NCK1: variants seen among roughly 807,000 people sequenced by gnomAD.
The protein encoded by NCK1 is SH2/SH3 adapter protein NCK1.
NCK1 carries 19 observed loss-of-function variants against 36.6 expected under a neutral mutation model. The observed-to-expected ratio is 0.52, with a 90% CI of 0.36 to 0.76. The LOEUF (loss-of-function observed/expected upper bound fraction) is 0.76. NCK1 is among the 30% of genes least tolerant of loss of function. The pLI, the probability that NCK1 is intolerant of heterozygous loss-of-function variation, is 0.00. For missense variants in NCK1, 358 were observed against 445.6 expected (o/e 0.80, Z 1.77); for synonymous variants, 165 against 156.0 (o/e 1.06, Z -0.43).
intron 1 of NCK1, among the ~76,000 whole-genome samples, chr3:136,863,991 C>T (rs1381256986): frequency 6.6e-6 from 1 of 151,816 alleles, no homozygotes; most frequent in Non-Finnish European, 1.5e-5. Flanking sequence ...GTCCCAGCTA[C>T]TCGGGAGGCT....
chr3:136,938,584 A>G (rs1940594776), intron 2 of NCK1, among the ~76,000 whole-genome samples: 1 of 152,182 alleles, frequency 6.6e-6, no homozygotes, highest in Non-Finnish European at 1.5e-5. Context: ...CCCCAAGCAT[A>G]GTGATGAAGT....
chr3:136,913,234 A>G (rs909882870), intron 1 of NCK1, among the ~76,000 whole-genome samples: 2 of 151,958 alleles, frequency 1.3e-5, no homozygotes, highest in African/African-American at 4.8e-5. Context: ...AACTCTGGAA[A>G]TCAGATTGTC....
At chr3:136,929,433 T>C (rs1940336705) in intron 2 of NCK1, among the ~76,000 whole-genome samples, 1 of 152,220 alleles carries the variant, frequency 6.6e-6, no homozygotes, top group African/African-American at 2.4e-5. Context: ...ATTAAGTAGA[T>C]ATAATGTGAT....
At chr3:136,937,159 A>T (rs1325037628) in intron 2 of NCK1, among the ~76,000 whole-genome samples, 1 of 152,170 alleles carries the variant, frequency 6.6e-6, no homozygotes, top group East Asian at 1.9e-4. Flanking sequence ...GTTGGAGTCC[A>T]GTTTCATTCT....
chr3:136,930,031 G>A (rs1940351955), intron 2 of NCK1, among the ~76,000 whole-genome samples: 2 of 152,046 alleles, frequency 1.3e-5, no homozygotes, highest in Admixed American at 6.6e-5. Context: ...TTATTCCAGG[G>A]TGCTTGGAAA....
intron 1 of NCK1, among the ~76,000 whole-genome samples, chr3:136,890,249 C>T (rs963315691): frequency 2.6e-5 from 4 of 152,182 alleles, no homozygotes; most frequent in African/African-American, 4.8e-5. Flanking sequence ...GGGTGCTAAG[C>T]CCCCCACTGT....
chr3:136,877,422 T>C (rs1394671982), intron 1 of NCK1, among the ~76,000 whole-genome samples: 2 of 152,176 alleles, frequency 1.3e-5, no homozygotes, highest in Non-Finnish European at 2.9e-5. Flanking sequence ...TTAAACTATT[T>C]AGAACAGAAC....
At chr3:136,916,761 C>A (rs1353933642) in intron 1 of NCK1, among the ~76,000 whole-genome samples, 10 of 151,904 alleles carry the variant, frequency 6.6e-5, no homozygotes, top group Admixed American at 6.6e-4. Context: ...TTGTTTAGTT[C>A]AAAAAATTGA....
rs1051894846 is a variant in NCK1, at chr3:136,939,701, C to T, written c.227-5882C>T. On this transcript the variant is annotated intron_variant, in intron 2 of 3. Coordinates refer to ENST00000481752, the MANE Select transcript of NCK1 (RefSeq NM_001291999.2). ...CTAATCTTGTGAAATTTCTTGGTGA[C>T]CTATTGGTTTAAGAGAGTGTTAGTT... 6.6e-5 allele frequency among the ~76,000 whole-genome samples: 10 copies of T among 151,930 alleles called. No homozygotes were observed. In the South Asian group the frequency reaches 2.1e-3, roughly 32 times the overall value.
Position 136,949,301 on chromosome 3 carries a change from G to C in NCK1, c.*848G>C, listed in dbSNP as rs924485061. On this transcript the variant is annotated 3_prime_UTR_variant, in exon 4 of 4. Transcript: ENST00000481752. ...TTATATTTATGCCAGTGGGAAATAA[G>C]TTATGGCCAAGTTTTGCAAAAACAG... The C allele has an allele frequency of 2.6e-5, 4 of 151,838 alleles. No individual in the cohort carries two copies. The highest frequency in any genetic ancestry group is 7.3e-5 in the African/African-American group (3 of 41,362). 9.4% of individuals were successfully genotyped at this position (151,838 alleles called of 1,614,324 possible). A position where few individuals can be genotyped will look rare whatever the true frequency, so the allele number is the denominator to read the frequency against.
chr3:136,910,402 C>G (rs1939803384), intron 1 of NCK1, among the ~76,000 whole-genome samples: 1 of 152,118 alleles, frequency 6.6e-6, no homozygotes, highest in Admixed American at 6.6e-5. Flanking sequence ...TGTGTAGTAA[C>G]AAACTAAAGT....
chr3:136,942,130 G>GC (rs1220997857), intron 2 of NCK1, among the ~76,000 whole-genome samples: 3 of 152,170 alleles, frequency 2.0e-5, no homozygotes, highest in African/African-American at 7.2e-5. Context: ...GAGCCCCTGT[G>GC]CCCAGCCTCT....
At chr3:136,936,957 A>G (rs1260313412) in intron 2 of NCK1, among the ~76,000 whole-genome samples, 1 of 152,212 alleles carries the variant, frequency 6.6e-6, no homozygotes, top group Non-Finnish European at 1.5e-5. Context: ...TGTTATACAC[A>G]AATGTTTTCA....
chr3:136,893,017 G>A (rs1003818112), intron 1 of NCK1, among the ~76,000 whole-genome samples: 1 of 150,416 alleles, frequency 6.6e-6, no homozygotes, highest in Non-Finnish European at 1.5e-5. Context: ...TCCCACTTAT[G>A]AATGGAGAAT....
At chr3:136,925,093 T>C (rs915317611) in intron 1 of NCK1, among the ~76,000 whole-genome samples, 1 of 152,160 alleles carries the variant, frequency 6.6e-6, no homozygotes, top group African/African-American at 2.4e-5. Context: ...TGTTGAAAAG[T>C]GCCATAATTA....
At chr3:136,911,693 C>T (rs1013673220) in intron 1 of NCK1, among the ~76,000 whole-genome samples, 2 of 152,144 alleles carry the variant, frequency 1.3e-5, no homozygotes, top group South Asian at 2.1e-4. Context: ...GCTGTCTCTT[C>T]GCTTTGTTAA....
At chr3:136,927,551 C>T (rs1940273713) in intron 1 of NCK1, among the ~76,000 whole-genome samples, 2 of 151,858 alleles carry the variant, frequency 1.3e-5, no homozygotes, top group African/African-American at 4.8e-5. Context: ...GAGACAGATT[C>T]TCCCTCTGTC....
intron 1 of NCK1, among the ~76,000 whole-genome samples, chr3:136,923,544 T>C (rs1483417325): frequency 6.9e-6 from 1 of 144,678 alleles, no homozygotes; most frequent in Admixed American, 6.8e-5. Context: ...GACAGTGCAG[T>C]GCGAGACTCC....
chr3:136,902,198 T>TG (rs1939561251), intron 1 of NCK1, among the ~76,000 whole-genome samples: 2 of 131,532 alleles, frequency 1.5e-5, no homozygotes, highest in Admixed American at 8.1e-5. Context: ...TTTTTTTTTT[T>TG]TTTTGTTTTT....
Sources: gnomAD v4.1 joint callset for allele counts (sites outside exome capture counted in the v4.1 genomes callset) on GRCh38, gnomAD v4.1.1 for gene constraint, MANE v1.5 for transcripts, NCBI Gene and HGNC (gene_info 2026-07-23, HGNC 2026-07-21) for gene names.